The following ASPH variants were observed in gnomAD, a reference collection of about 807,000 sequenced individuals.
ASPH encodes aspartate beta-hydroxylase, also known as aspartyl/asparaginyl beta-hydroxylase.
In ASPH, 100 loss-of-function variants were observed where a neutral mutation model predicts 118.4. That is an observed-to-expected ratio of 0.84 (90% CI 0.72 to 1.00). The LOEUF (loss-of-function observed/expected upper bound fraction) is 1.00, where lower values mean the gene tolerates loss of function less well. Among genes scored for constraint, ASPH ranks in the 50% least tolerant of loss-of-function variants. The pLI is 0.00. For missense variants in ASPH, 920 were observed against 919.5 expected (o/e 1.00, Z -0.01); for synonymous variants, 315 against 325.6 (o/e 0.97, Z 0.35).
At chr8:61,600,872 C>T (rs574987369) in intron 14 of ASPH, among the ~76,000 whole-genome samples, 18 of 151,036 alleles carry the variant, frequency 1.2e-4, no homozygotes, top group East Asian at 1.9e-4. Context: ...AAGACAAATA[C>T]GTTAAAAGCA....
chr8:61,608,464 T>C (rs1222026113), intron 14 of ASPH, among the ~76,000 whole-genome samples: 4 of 152,232 alleles, frequency 2.6e-5, no homozygotes, highest in Non-Finnish European at 5.9e-5. Context: ...TGCTTACCAT[T>C]TGTGGCTCAT....
Position 61,714,508 on chromosome 8 carries a change from C to A in ASPH, c.-137G>T. On this transcript the variant is annotated 5_prime_UTR_variant, in exon 1 of 25. Coordinates refer to ENST00000379454, the MANE Select transcript of ASPH (RefSeq NM_004318.4). Reference sequence around the variant, plus strand: ...CGCTGCTCCTGCAGCAGACCCTGTGCCTCAGCACCGCCTGCAGCACCTGGG... The same window carrying A: ...CGCTGCTCCTGCAGCAGACCCTGTGACTCAGCACCGCCTGCAGCACCTGGG... 8.0e-7 allele frequency: 1 copy of A among 1,245,208 alleles called. No individual in the cohort carries two copies. The highest frequency in any genetic ancestry group is 1.0e-6 in the Non-Finnish European group (1 of 969,194). 77.1% of individuals were successfully genotyped at this position (1,245,208 alleles called of 1,614,324 possible). A position where few individuals can be genotyped will look rare whatever the true frequency, so the allele number is the denominator to read the frequency against.
At chr8:61,576,461 C>A (rs1021476578) in intron 16 of ASPH, 9 of 225,742 alleles carry the variant, frequency 4.0e-5, no homozygotes, top group East Asian at 9.5e-5. Flanking sequence ...CTCTGAGGAG[C>A]CTCAAGTGAA....
At chr8:61,699,874 T>C (rs143796679) in intron 1 of ASPH, among the ~76,000 whole-genome samples, 120 of 152,302 alleles carry the variant, frequency 7.9e-4, no homozygotes, top group South Asian at 2.9e-3. Flanking sequence ...ACGGACTCCA[T>C]GGCCCACCCT....
intron 5 of ASPH, among the ~76,000 whole-genome samples, 195 bp from the exon 6 acceptor site, chr8:61,647,073 G>A (rs1264276900): frequency 6.6e-6 from 1 of 152,136 alleles, no homozygotes; most frequent in Admixed American, 6.5e-5. Context: ...TATATGTGGT[G>A]GGGGACAGGT....
chr8:61,503,567 G>T lies in ASPH; in HGVS notation c.2127-58C>A, dbSNP rs1586108740. ...GTTTTGTGTGGTTCAGATGTCTGAG[G>T]ATCGATTCCTGTCCATGTGCGAGAA... On this transcript the variant is annotated intron_variant, in intron 24 of 24. Coordinates refer to ENST00000379454, the MANE Select transcript of ASPH (RefSeq NM_004318.4). 8 of 1,489,754 alleles carry T rather than the reference G, an allele frequency of 5.4e-6. No individual in the cohort carries two copies. In the East Asian group the frequency reaches 1.2e-4, roughly 23 times the overall value. The allele number at this position is 1,489,754 out of a possible 1,614,324, so 92.3% of individuals were successfully genotyped here.
chr8:61,501,048 A>C lies in ASPH; in HGVS notation c.*2311T>G, dbSNP rs1377722390. 2 of 152,166 alleles carry C rather than the reference A, an allele frequency of 1.3e-5. No individual in the cohort carries two copies. The highest frequency in any genetic ancestry group is 2.9e-5 in the Non-Finnish European group (2 of 68,034). 9.4% of individuals were successfully genotyped at this position (152,166 alleles called of 1,614,324 possible). A position where few individuals can be genotyped will look rare whatever the true frequency, so the allele number is the denominator to read the frequency against. The stretch of plus-strand genomic sequence containing the variant: ...TATACACTTGGAGAAATAAAGTTGA[A>C]ACAGAATTAAAAATATTTCTCAAAC... On this transcript the variant is annotated 3_prime_UTR_variant, in exon 25 of 25. Transcript: ENST00000379454.
At chr8:61,540,670 A>C (rs10094667) in intron 21 of ASPH, among the ~76,000 whole-genome samples, 83,510 of 152,144 alleles carry the variant, frequency 0.55, 26,250 homozygotes, top group Non-Finnish European at 0.7. Flanking sequence ...CATAATTTCA[A>C]GGGCATACAG....
chr8:61,706,453 A>AGGAGGAG (rs1199132245), intron 1 of ASPH, among the ~76,000 whole-genome samples: 1 of 144,362 alleles, frequency 6.9e-6, no homozygotes. Context: ...AAGAAGAAGA[A>AGGAGGAG]GAAGGAGGAA....
At chr8:61,519,637 C>T (rs143878829) in intron 22 of ASPH, among the ~76,000 whole-genome samples, 10 of 151,194 alleles carry the variant, frequency 6.6e-5, no homozygotes, top group Non-Finnish European at 1.3e-4. Flanking sequence ...TCCAAGATTA[C>T]CTGGATGGGC....
intron 1 of ASPH, among the ~76,000 whole-genome samples, chr8:61,713,165 T>C (rs1053192015): frequency 6.6e-6 from 1 of 152,258 alleles, no homozygotes; most frequent in African/African-American, 2.4e-5. Flanking sequence ...GTCCTTAGAA[T>C]GTAAATTTGT....
intron 14 of ASPH, among the ~76,000 whole-genome samples, chr8:61,598,538 T>C (rs528090458): frequency 1.1e-4 from 16 of 152,306 alleles, no homozygotes; most frequent in Non-Finnish European, 1.8e-4. Flanking sequence ...AATACAATAA[T>C]AGTTGGCAAG....
intron 14 of ASPH, among the ~76,000 whole-genome samples, chr8:61,610,210 T>C (rs1846891471): frequency 6.6e-6 from 1 of 152,232 alleles, no homozygotes; most frequent in African/African-American, 2.4e-5. Flanking sequence ...ATTTTAATGA[T>C]AATGAAGAAT....
At chr8:61,680,903 A>T in intron 3 of ASPH, 65 bp downstream of exon 3, 1 of 1,384,174 alleles carries the variant, frequency 7.2e-7, no homozygotes, top group Non-Finnish European at 1.0e-6. Flanking sequence ...AGATATTATT[A>T]AAGCAAAAAT....
rs1809486833 is a variant in ASPH at position 61,648,937 on chromosome 8, G to GAT, written c.491-2061_491-2060dup. Reference sequence around the variant, plus strand: ...GGGTGGGAAACACATCTCAGCAAAAGATATACCAGGTGCAGGGGTGCTAAA... The same window carrying GAT: ...GGGTGGGAAACACATCTCAGCAAAAGATATATACCAGGTGCAGGGGTGCTAAA... On this transcript the variant is annotated intron_variant, in intron 5 of 24. Coordinates refer to ENST00000379454, the MANE Select transcript of ASPH (RefSeq NM_004318.4). Among the ~76,000 whole-genome samples the GAT allele has an allele frequency of 2.0e-5, 3 of 152,304 alleles. No individual in the cohort carries two copies. The South Asian group carries it at 6.2e-4, about 32-fold the overall frequency.
At chr8:61,647,395 G>T (rs748909310) in intron 5 of ASPH, among the ~76,000 whole-genome samples, 3 of 152,224 alleles carry the variant, frequency 2.0e-5, no homozygotes, top group Non-Finnish European at 4.4e-5. Context: ...CTAGGGCCAG[G>T]CATGGCAGCT....
intron 13 of ASPH, among the ~76,000 whole-genome samples, chr8:61,622,156 G>A (rs1289496110): frequency 1.3e-5 from 2 of 152,130 alleles, no homozygotes; most frequent in East Asian, 1.9e-4. Flanking sequence ...TGGCCAACAT[G>A]GTGAAACCCT....
chr8:61,669,619 C>A (rs7812552), intron 3 of ASPH, among the ~76,000 whole-genome samples: 1 of 152,048 alleles, frequency 6.6e-6, no homozygotes, highest in African/African-American at 2.4e-5. Context: ...CAAAACTATT[C>A]TCATAATACC....
intron 19 of ASPH, among the ~76,000 whole-genome samples, chr8:61,555,634 G>T (rs1320177177): frequency 2.0e-5 from 3 of 152,274 alleles, no homozygotes; most frequent in African/African-American, 7.2e-5. Flanking sequence ...CACTAATTTT[G>T]TCTGCCTTTG....
Sources: gnomAD v4.1 joint callset for allele counts (sites outside exome capture counted in the v4.1 genomes callset) on GRCh38, gnomAD v4.1.1 for gene constraint, MANE v1.5 for transcripts, NCBI Gene and HGNC (gene_info 2026-07-23, HGNC 2026-07-21) for gene names.